Variants in TBC1D22A observed in about 807,000 individuals in gnomAD.
TBC1D22A encodes the protein putative GTPase activator.
Under a neutral mutation model 60.2 loss-of-function variants are expected in TBC1D22A, and 38 were observed. The observed-to-expected ratio is 0.63, with a 90% CI of 0.49 to 0.83. TBC1D22A has a LOEUF of 0.83. Among genes scored for constraint, TBC1D22A ranks in the 40% least tolerant of loss-of-function variants. The probability of loss-of-function intolerance (pLI) is 0.00; values close to 1 mark genes in which losing one functional copy is unlikely to be tolerated. For missense variants in TBC1D22A, 628 were observed against 701.0 expected (o/e 0.90, Z 1.18); for synonymous variants, 302 against 281.7 (o/e 1.07, Z -0.72).
intron 4 of TBC1D22A, among the ~76,000 whole-genome samples, chr22:46,812,312 C>T (rs1037160075): frequency 3.9e-5 from 6 of 152,352 alleles, no homozygotes; most frequent in Non-Finnish European, 8.8e-5. Flanking sequence ...CTGGCACCAG[C>T]GCTGGCTTCT....
intron 12 of TBC1D22A, among the ~76,000 whole-genome samples, chr22:47,126,756 G>C (rs1025095792): frequency 6.6e-6 from 1 of 152,232 alleles, no homozygotes; most frequent in Non-Finnish European, 1.5e-5. Flanking sequence ...AAGGGCAGAG[G>C]GTGGCCCTTT....
intron 8 of TBC1D22A, among the ~76,000 whole-genome samples, chr22:46,928,995 C>CT (rs2071201152): frequency 6.6e-6 from 1 of 151,972 alleles, no homozygotes. Flanking sequence ...AGAGTTTCTT[C>CT]TGGGGGGAGG....
At chr22:46,951,284 A>G (rs548591158) in intron 8 of TBC1D22A, among the ~76,000 whole-genome samples, 2 of 152,318 alleles carry the variant, frequency 1.3e-5, no homozygotes, top group African/African-American at 4.8e-5. Flanking sequence ...AATCATTATT[A>G]TTACAATAAT....
At chr22:47,114,605 C>T (rs1332822833) in intron 12 of TBC1D22A, among the ~76,000 whole-genome samples, 3 of 152,154 alleles carry the variant, frequency 2.0e-5, no homozygotes, top group South Asian at 2.1e-4. Flanking sequence ...AAGACGCTTC[C>T]GCATCCATGG....
chr22:46,936,261 C>T (rs2071645571), intron 8 of TBC1D22A, among the ~76,000 whole-genome samples: 2 of 152,084 alleles, frequency 1.3e-5, no homozygotes, highest in South Asian at 2.1e-4. Context: ...GTGGTGGGTC[C>T]TCCTGGGGCC....
intron 8 of TBC1D22A, among the ~76,000 whole-genome samples, chr22:46,924,968 C>T (rs1418637513): frequency 6.6e-6 from 1 of 152,160 alleles, no homozygotes; most frequent in Non-Finnish European, 1.5e-5. Flanking sequence ...AACATGCTCA[C>T]AGCTGGATTT....
chr22:46,892,228 G>A (rs1213608767), intron 6 of TBC1D22A, among the ~76,000 whole-genome samples: 2 of 151,782 alleles, frequency 1.3e-5, no homozygotes, highest in African/African-American at 2.4e-5. Context: ...CTAGGTGATG[G>A]AGCTTTGCCA....
At chr22:46,982,653 A>G (rs2074559931) in intron 9 of TBC1D22A, among the ~76,000 whole-genome samples, 1 of 152,208 alleles carries the variant, frequency 6.6e-6, no homozygotes, top group Non-Finnish European at 1.5e-5. Context: ...CTGCTGGCCT[A>G]CCGGTCGTGT....
chr22:46,853,435 A>C (rs931418040), intron 4 of TBC1D22A, among the ~76,000 whole-genome samples: 1 of 152,136 alleles, frequency 6.6e-6, no homozygotes, highest in Non-Finnish European at 1.5e-5. Flanking sequence ...CCTTTACGTG[A>C]GGGTAGGCCC....
At chr22:46,940,674 C>T (rs35869057) in intron 8 of TBC1D22A, among the ~76,000 whole-genome samples, 11,472 of 102,994 alleles carry the variant, frequency 0.11, 824 homozygotes, top group African/African-American at 0.25. Flanking sequence ...GCATGGGGAC[C>T]GGGGCACTAG....
intron 9 of TBC1D22A, among the ~76,000 whole-genome samples, chr22:46,996,746 C>T (rs1429438619): frequency 6.6e-6 from 1 of 152,184 alleles, no homozygotes; most frequent in African/African-American, 2.4e-5. Context: ...TGGGAGCTGC[C>T]TCTTCATGTT....
intron 10 of TBC1D22A, among the ~76,000 whole-genome samples, chr22:47,011,868 A>C (rs1295306466): frequency 6.6e-6 from 1 of 152,110 alleles, no homozygotes; most frequent in Non-Finnish European, 1.5e-5. Flanking sequence ...TGCTGCTGCT[A>C]CATCCCCTGT....
chr22:47,060,013 G>A (rs775404217), intron 11 of TBC1D22A, among the ~76,000 whole-genome samples: 4 of 152,164 alleles, frequency 2.6e-5, no homozygotes, highest in Non-Finnish European at 5.9e-5. Flanking sequence ...TGACATGGCC[G>A]TCCTCCTGTC....
intron 4 of TBC1D22A, among the ~76,000 whole-genome samples, chr22:46,875,421 T>G (rs1261470867): frequency 2.0e-5 from 3 of 152,040 alleles, no homozygotes; most frequent in Non-Finnish European, 2.9e-5. Context: ...GCAATAGACA[T>G]GTTCTGTGTC....
At chr22:46,941,806 TATAGAATATATATAGAATATATAGAATA>T (rs1454033468) in intron 8 of TBC1D22A, among the ~76,000 whole-genome samples, 12 of 99,022 alleles carry the variant, frequency 1.2e-4, no homozygotes, top group African/African-American at 2.8e-4. Context: ...ATAGAATATA[TATAGAATATATATAGAATATATAGAATA>T]ATAGAATATA....
At chr22:46,894,418 A>G (rs567764765) in intron 6 of TBC1D22A, among the ~76,000 whole-genome samples, 4 of 152,334 alleles carry the variant, frequency 2.6e-5, no homozygotes, top group African/African-American at 9.6e-5. Flanking sequence ...GAAAACTTGT[A>G]AACTATTGAT....
intron 4 of TBC1D22A, among the ~76,000 whole-genome samples, chr22:46,827,855 C>T (rs2086137594): frequency 6.6e-6 from 1 of 152,220 alleles, no homozygotes. Context: ...GTCTTATCCG[C>T]AGGGACTGTC....
At chr22:47,090,676 G>T (rs1368773386) in intron 11 of TBC1D22A, among the ~76,000 whole-genome samples, 1 of 152,140 alleles carries the variant, frequency 6.6e-6, no homozygotes, top group Non-Finnish European at 1.5e-5. Flanking sequence ...TAGCGGGGAG[G>T]GGGTGGCTGC....
At chr22:47,015,798 C>T (rs933798759) in intron 10 of TBC1D22A, among the ~76,000 whole-genome samples, 7 of 152,188 alleles carry the variant, frequency 4.6e-5, no homozygotes, top group African/African-American at 9.6e-5. Flanking sequence ...AGCAGCCTGG[C>T]GTCTGGAGCA....
Sources: allele counts gnomAD v4.1 joint callset (sites outside exome capture counted in the v4.1 genomes callset), GRCh38; gene constraint gnomAD v4.1.1; transcripts MANE v1.5; gene names NCBI Gene and HGNC (gene_info 2026-07-23, HGNC 2026-07-21).